SLC15A1: variants seen among roughly 807,000 people sequenced by gnomAD.
SLC15A1 encodes the protein solute carrier family 15 member 1, also known as Caco-2 oligopeptide transporter.
Under a neutral mutation model 92.9 loss-of-function variants are expected in SLC15A1, and 83 were observed. That is an observed-to-expected ratio of 0.89 (90% CI 0.75 to 1.07). The LOEUF is 1.07. SLC15A1 is among the 50% of genes least tolerant of loss of function. The pLI is 0.00. For synonymous variants in SLC15A1, 322 were observed against 318.2 expected (o/e 1.01, Z -0.13); for missense variants, 857 against 880.1 (o/e 0.97, Z 0.33).
In SLC15A1 at chr13:98,704,402, G is replaced by T; in HGVS notation, c.1303C>A (p.Leu435Met). 2.5e-6 allele frequency: 4 copies of T among 1,613,864 alleles called. No individual in the cohort carries two copies. Among genetic ancestry groups the T allele is most frequent in the Non-Finnish European group, 3.4e-6 (4 of 1,179,910 alleles). ...NAFMTFDVNK[L>M]TRINISSPGS... ...GGAGAAGAAATGTTTATCCTTGTCA[G>T]TTTGTTTACATCAAAAGTCATAAAT... The change falls in exon 17 of 23, where the codon CTG becomes ATG. Residue 435 changes from leucine to methionine, a missense_variant. By Grantham distance (15) the Leu-to-Met change is conservative. Coordinates refer to ENST00000376503, the MANE Select transcript of SLC15A1 (RefSeq NM_005073.4).
In SLC15A1 at chr13:98,695,701, A is replaced by G. The variant is rs2088015870; in HGVS notation, c.1466+6779T>C. Among the ~76,000 whole-genome samples the G allele has an allele frequency of 4.6e-5, 7 of 151,942 alleles. No homozygotes were observed. The South Asian group carries it at 1.5e-3, about 32-fold the overall frequency. On this transcript the variant is annotated intron_variant, in intron 18 of 22. Coordinates refer to ENST00000376503, the MANE Select transcript of SLC15A1 (RefSeq NM_005073.4). Reference sequence around the variant, plus strand: ...AGCCACCGAGCCCTGCCCAAGCCCAATTTTTGGCTGATGCATTGCCACTTT... The same window carrying G: ...AGCCACCGAGCCCTGCCCAAGCCCAGTTTTTGGCTGATGCATTGCCACTTT...
chr13:98,715,665 C>T (rs1001136253), intron 9 of SLC15A1, among the ~76,000 whole-genome samples: 2 of 152,176 alleles, frequency 1.3e-5, no homozygotes, highest in Admixed American at 6.5e-5. Context: ...GACCATTGAT[C>T]TTATTTTATA....
chr13:98,707,890 TTAAAAAAAAA>T (rs2088125650), intron 15 of SLC15A1, among the ~76,000 whole-genome samples: 1 of 91,068 alleles, frequency 1.1e-5, no homozygotes, highest in Non-Finnish European at 1.9e-5. Flanking sequence ...GAGACCCTGT[TTAAAAAAAAA>T]AAAAAAAAAA....
intron 1 of SLC15A1, among the ~76,000 whole-genome samples, chr13:98,748,999 T>G (rs1483352128): frequency 6.6e-6 from 1 of 152,210 alleles, no homozygotes; most frequent in African/African-American, 2.4e-5. Context: ...TAGAGCAATA[T>G]TAGCCCAAAA....
At chr13:98,731,982 T>C (rs534464968) in intron 1 of SLC15A1, among the ~76,000 whole-genome samples, 1 of 152,366 alleles carries the variant, frequency 6.6e-6, no homozygotes, top group South Asian at 2.1e-4. Flanking sequence ...CAGAGGTTGC[T>C]AAACTCTTTG....
chr13:98,715,383 C>A (rs1165809406), intron 9 of SLC15A1, among the ~76,000 whole-genome samples: 1 of 152,202 alleles, frequency 6.6e-6, no homozygotes. Context: ...CCATGTTGGC[C>A]AGGCTGGCCT....
chr13:98,733,410 T>G (rs2088365761), intron 1 of SLC15A1, among the ~76,000 whole-genome samples: 1 of 152,212 alleles, frequency 6.6e-6, no homozygotes, highest in African/African-American at 2.4e-5. Context: ...TTTATTAATT[T>G]TTTCCTAAAC....
In SLC15A1 at chr13:98,684,563, A is replaced by G. The variant is rs554528406; in HGVS notation, c.*161T>C. The G allele has an allele frequency of 2.0e-4, 92 of 461,786 alleles. 1 individual carries two copies. The highest frequency in any genetic ancestry group is 2.6e-4 in the Admixed American group (7 of 27,362). 28.6% of individuals were successfully genotyped at this position (461,786 alleles called of 1,614,324 possible). The stretch of plus-strand genomic sequence containing the variant: ...TCTGTCTCAAAAAAAAAAAAAAAAA[A>G]AAAAAGAAAAGAAAAAGAAAAAAGA... On this transcript the variant is annotated 3_prime_UTR_variant, in exon 23 of 23. Transcript: ENST00000376503.
intron 1 of SLC15A1, among the ~76,000 whole-genome samples, chr13:98,730,031 CCT>C (rs954300599): frequency 6.6e-6 from 1 of 151,892 alleles, no homozygotes; most frequent in Non-Finnish European, 1.5e-5. Flanking sequence ...ATGGTGAAAC[CCT>C]GTCTCTACTA....
In SLC15A1 at chr13:98,748,195, C is replaced by T. The variant is rs142996502; in HGVS notation, c.4+4400G>A. ...TTATCCTCACATGGTTAAGTAAATA[C>T]CTGCATAGATATGCAATTCAGGTGC... On this transcript the variant is annotated intron_variant, in intron 1 of 22. Transcript: ENST00000376503. Among the ~76,000 whole-genome samples the T allele has an allele frequency of 3.3e-4, 51 of 152,294 alleles. 1 individual carries two copies. Among genetic ancestry groups the T allele is most frequent in the Middle Eastern group, 3.4e-3 (1 of 294 alleles).
chr13:98,750,791 G>T (rs940923112), intron 1 of SLC15A1, among the ~76,000 whole-genome samples: 1 of 149,932 alleles, frequency 6.7e-6, no homozygotes, highest in African/African-American at 2.5e-5. Flanking sequence ...TTACTCTGTC[G>T]CGGAGGCTGG....
chr13:98,742,451 G>A (rs766148276), intron 1 of SLC15A1, among the ~76,000 whole-genome samples: 1 of 152,138 alleles, frequency 6.6e-6, no homozygotes, highest in Non-Finnish European at 1.5e-5. Flanking sequence ...GGTGTCCATG[G>A]CTCCAGCCTG....
intron 1 of SLC15A1, among the ~76,000 whole-genome samples, chr13:98,735,422 T>G (rs974217363): frequency 1.3e-5 from 2 of 152,168 alleles, no homozygotes; most frequent in Non-Finnish European, 2.9e-5. Context: ...TTTGAAAACT[T>G]GCACAAGACA....
rs1399481747 is a variant in SLC15A1, at chr13:98,709,731, AT to A, written c.978+10del. ...ACTCTGATCCCTGAAAGCAACTTAC[AT>A]GTCTTCTACCTGCATCTGATCGGGC... is the stretch of plus-strand genomic sequence containing the variant. On this transcript the variant is annotated intron_variant, in intron 13 of 22. Transcript: ENST00000376503. The A allele has an allele frequency of 1.2e-6, 2 of 1,614,086 alleles. No homozygotes were observed. The highest frequency in any genetic ancestry group is 1.7e-6 in the Non-Finnish European group (2 of 1,180,052).
Position 98,709,924 on chromosome 13 carries a change from T to C in SLC15A1, c.901-13A>G, listed in dbSNP as rs532814763. 7 of 1,614,084 alleles carry C rather than the reference T, an allele frequency of 4.3e-6. No homozygotes were observed. In the East Asian group the frequency reaches 1.6e-4, roughly 36 times the overall value. ...TCCACCTGGAGCCCTTAAAAATGAA[T>C]ACATTTGCTGTATTATTTGGGGATG... On this transcript the variant is annotated splice_polypyrimidine_tract_variant and intron_variant, in intron 11 of 22. Transcript: ENST00000376503.
At chr13:98,706,387 T>G in intron 15 of SLC15A1, 134 bp from the exon 16 acceptor site, 2 of 934,866 alleles carry the variant, frequency 2.1e-6, no homozygotes, top group Middle Eastern at 5.9e-4. Flanking sequence ...TGTCTCCCAC[T>G]AAGCTGCCAA....
At chr13:98,740,517 C>A (rs1334677674) in intron 1 of SLC15A1, among the ~76,000 whole-genome samples, 1 of 152,120 alleles carries the variant, frequency 6.6e-6, no homozygotes, top group Non-Finnish European at 1.5e-5. Context: ...TCCACTTGGG[C>A]CCTTTCAGAA....
At chr13:98,710,617 A>G (rs1343296548) in intron 11 of SLC15A1, among the ~76,000 whole-genome samples, 1 of 151,910 alleles carries the variant, frequency 6.6e-6, no homozygotes, top group Non-Finnish European at 1.5e-5. Flanking sequence ...GGAGTTGGAG[A>G]CCGGCCTGGT....
rs528177107 is a variant in SLC15A1, at chr13:98,726,741, T to C, written c.21+102A>G. 2.1e-5 allele frequency: 25 copies of C among 1,174,248 alleles called. No individual in the cohort carries two copies. The African/African-American group carries it at 3.6e-4, about 17-fold the overall frequency. 72.7% of individuals were successfully genotyped at this position (1,174,248 alleles called of 1,614,324 possible). ...AAATCCGGGATCATACCCTCACTGG[T>C]TCCAGATGTACAGATCTGTTAGGTG... is the stretch of plus-strand genomic sequence containing the variant. On this transcript the variant is annotated intron_variant, in intron 2 of 22. Coordinates refer to ENST00000376503, the MANE Select transcript of SLC15A1 (RefSeq NM_005073.4).
Sources: allele counts gnomAD v4.1 joint callset (sites outside exome capture counted in the v4.1 genomes callset), GRCh38; gene constraint gnomAD v4.1.1; transcripts MANE v1.5; gene names NCBI Gene and HGNC (gene_info 2026-07-23, HGNC 2026-07-21).